Variants in PLB1 observed in about 807,000 individuals in gnomAD.
PLB1 encodes the protein phospholipase B1, also known as phospholipase B1, membrane-associated.
In PLB1, 242 loss-of-function variants were observed where a neutral mutation model predicts 227.4. That is an observed-to-expected ratio of 1.06 (90% confidence interval 0.96 to 1.18). The LOEUF (loss-of-function observed/expected upper bound fraction) is 1.18, where lower values mean the gene tolerates loss of function less well. Among genes scored for constraint, PLB1 ranks in the 50% most tolerant of loss-of-function variants. The pLI, the probability that PLB1 is intolerant of heterozygous loss-of-function variation, is 0.00. For synonymous variants in PLB1, 757 were observed against 682.2 expected (o/e 1.11, Z -1.71); for missense variants, 1,858 against 1,816.3 (o/e 1.02, Z -0.42).
chr2:28,569,533 A>G (rs1677638448), intron 20 of PLB1, among the ~76,000 whole-genome samples: 1 of 152,184 alleles, frequency 6.6e-6, no homozygotes, highest in Non-Finnish European at 1.5e-5. Flanking sequence ...GAAAGAGGAG[A>G]TACTACCAAC....
intron 49 of PLB1, among the ~76,000 whole-genome samples, chr2:28,623,551 A>G (rs1343936076): frequency 6.6e-6 from 1 of 152,174 alleles, no homozygotes; most frequent in Non-Finnish European, 1.5e-5. Flanking sequence ...ATGGGATACA[A>G]TCCTAGATCT....
At position 28,541,738 on chromosome 2, in the gene PLB1, G is replaced by A; in HGVS notation, c.806G>A (p.Arg269Lys). The A allele has an allele frequency of 1.2e-6, 2 of 1,614,066 alleles. No homozygotes were observed. Among genetic ancestry groups the A allele is most frequent in the Non-Finnish European group, 1.7e-6 (2 of 1,180,014 alleles). The stretch of plus-strand genomic sequence containing the variant: ...TGGAACAGCCTCCTGGCCTCCAGCA[G>A]GTACAGTGAGCAGGAGTCCTTCACC... ...EAWNSLLASS[R>K]YSEQESFTVV... is the part of the protein sequence containing the mutation. The change falls in exon 13 of 58, where the codon AGG becomes AAG. Residue 269 changes from arginine to lysine, a missense_variant. By Grantham distance (26) the Arg-to-Lys change is conservative. Coordinates refer to ENST00000327757, the MANE Select transcript of PLB1 (RefSeq NM_153021.5).
At chr2:28,600,998 G>A in intron 36 of PLB1, 138 bp downstream of exon 36, 5 of 829,080 alleles carry the variant, frequency 6.0e-6, no homozygotes, top group Non-Finnish European at 9.7e-6. Flanking sequence ...ACAGCCCCCT[G>A]ACAGAGGTCC....
chr2:28,595,662 G>A (rs1247937565), intron 33 of PLB1: 1 of 152,074 alleles, frequency 6.6e-6, no homozygotes, highest in Non-Finnish European at 1.5e-5. Context: ...AAGTGTTCAC[G>A]TAGTAGACTT....
Position 28,593,701 on chromosome 2 carries a change from C to T in PLB1, c.2268C>T (p.Ser756=), listed in dbSNP as rs1227298052. 2 of 1,613,984 alleles carry T rather than the reference C, an allele frequency of 1.2e-6. No homozygotes were observed. Among genetic ancestry groups the T allele is most frequent in the African/African-American group, 1.3e-5 (1 of 74,910 alleles). Residue 756 remains serine, a synonymous_variant, in exon 33 of 58, where the codon TCC becomes TCT. Coordinates refer to ENST00000327757, the MANE Select transcript of PLB1 (RefSeq NM_153021.5). Reference sequence around the variant, plus strand: ...CAAAGGCTGGCAATGGAATTGGCTCCAAACCAGACGACCTCCCCGATGTCA... The same window carrying T: ...CAAAGGCTGGCAATGGAATTGGCTCTAAACCAGACGACCTCCCCGATGTCA... ...DSLTAGNGIG[S]KPDDLPDVTT...
chr2:28,518,396 C>T (rs1669108367), intron 2 of PLB1, 70 bp from the exon 3 acceptor site: 3 of 1,206,976 alleles, frequency 2.5e-6, no homozygotes, highest in South Asian at 2.5e-5. Context: ...ATTTCTACAC[C>T]AAGTTTTCAG....
chr2:28,564,043 G>A (rs1676460566), intron 18 of PLB1, among the ~76,000 whole-genome samples: 1 of 152,042 alleles, frequency 6.6e-6, no homozygotes, highest in South Asian at 2.1e-4. Context: ...GGGTCAAGGT[G>A]AGCCTGGGCA....
intron 21 of PLB1, among the ~76,000 whole-genome samples, chr2:28,573,568 T>A (rs1678383958): frequency 6.6e-6 from 1 of 152,228 alleles, no homozygotes; most frequent in African/African-American, 2.4e-5. Flanking sequence ...TCTGTAAATC[T>A]CACTTAAGAC....
chr2:28,629,962 A>G (rs1688364585), intron 53 of PLB1, among the ~76,000 whole-genome samples: 1 of 152,172 alleles, frequency 6.6e-6, no homozygotes, highest in Non-Finnish European at 1.5e-5. Flanking sequence ...ATTTGCTGCA[A>G]AGGTGACCAG....
At chr2:28,638,553 G>A (rs865962937) in intron 56 of PLB1, among the ~76,000 whole-genome samples, 15 of 152,242 alleles carry the variant, frequency 9.9e-5, no homozygotes, top group Middle Eastern at 3.4e-3. Context: ...GGTGAGAGAG[G>A]AAGGGGGCTG....
intron 20 of PLB1, among the ~76,000 whole-genome samples, chr2:28,567,107 A>G (rs1440208701): frequency 2.6e-5 from 4 of 152,220 alleles, no homozygotes; most frequent in Non-Finnish European, 5.9e-5. Context: ...CAAAGGAGGA[A>G]GAAAGTAAAG....
Position 28,603,949 on chromosome 2 carries a change from T to C in PLB1, c.2775-17T>C. The C allele has an allele frequency of 6.2e-7, 1 of 1,611,404 alleles. No homozygotes were observed. Among genetic ancestry groups the C allele is most frequent in the Non-Finnish European group, 8.5e-7 (1 of 1,177,600 alleles). ...AGCCTGAGCTCTGGGGCCTCCTGCCTCCCCCTCTTTGTGCAGCGTTTTGTG... is the reference window on the plus strand; with the variant it reads ...AGCCTGAGCTCTGGGGCCTCCTGCCCCCCCCTCTTTGTGCAGCGTTTTGTG... On this transcript the variant is annotated splice_polypyrimidine_tract_variant and intron_variant, in intron 39 of 57. Coordinates refer to ENST00000327757, the MANE Select transcript of PLB1 (RefSeq NM_153021.5).
chr2:28,510,778 T>TTGTGTGTGTG (rs55672002), intron 1 of PLB1, among the ~76,000 whole-genome samples: 3,412 of 141,562 alleles, frequency 0.024, 104 homozygotes, highest in African/African-American at 0.073. Context: ...ACTCAGATAA[T>TTGTGTGTGTG]TGTGTGTGTG....
intron 1 of PLB1, 50 bp from the exon 2 acceptor site, chr2:28,516,758 T>A (rs1668894699): frequency 6.5e-7 from 1 of 1,538,382 alleles, no homozygotes; most frequent in Non-Finnish European, 9.0e-7. Context: ...CAAATTTGGG[T>A]GGGAGTTAAT....
intron 53 of PLB1, 68 bp from the exon 54 acceptor site, chr2:28,630,518 C>G (rs1426435827): frequency 7.0e-7 from 1 of 1,423,250 alleles, no homozygotes; most frequent in African/African-American, 1.4e-5. Context: ...TGTGTCAGAG[C>G]CAGCCTCCCA....
At chr2:28,520,933 C>T (rs1356433921) in intron 4 of PLB1, among the ~76,000 whole-genome samples, 2 of 152,130 alleles carry the variant, frequency 1.3e-5, no homozygotes, top group African/African-American at 2.4e-5. Flanking sequence ...TGAGATCATG[C>T]CATTGCACTC....
chr2:28,550,145 C>T, intron 16 of PLB1, 61 bp downstream of exon 16: 1 of 1,289,372 alleles, frequency 7.8e-7, no homozygotes, highest in Non-Finnish European at 1.1e-6. Flanking sequence ...GTACTTCTTG[C>T]TGAATCTTTC....
chr2:28,634,688 G>A (rs965060330), intron 56 of PLB1, among the ~76,000 whole-genome samples: 11 of 152,104 alleles, frequency 7.2e-5, no homozygotes, highest in South Asian at 6.2e-4. Flanking sequence ...CAGGTGGATC[G>A]CTTGAGCCCA....
intron 3 of PLB1, among the ~76,000 whole-genome samples, chr2:28,519,042 C>T (rs1669178773): frequency 6.6e-6 from 1 of 152,158 alleles, no homozygotes; most frequent in Admixed American, 6.5e-5. Flanking sequence ...TATATAAGGA[C>T]TTTAGGTTGA....
Sources: allele counts gnomAD v4.1 joint callset (sites outside exome capture counted in the v4.1 genomes callset), GRCh38; gene constraint gnomAD v4.1.1; transcripts MANE v1.5; gene names NCBI Gene and HGNC (gene_info 2026-07-23, HGNC 2026-07-21).